The following PIP5K1A variants were observed in gnomAD, a reference collection of about 807,000 sequenced individuals.
PIP5K1A encodes phosphatidylinositol 4-phosphate 5-kinase type-1 alpha.
PIP5K1A carries 46 observed loss-of-function variants against 72.9 expected under a neutral mutation model. The ratio of observed to expected loss-of-function variants is 0.63; its 90% CI spans 0.50 to 0.81. The LOEUF (loss-of-function observed/expected upper bound fraction) is 0.81. Among genes scored for constraint, PIP5K1A ranks in the 30% least tolerant of loss-of-function variants. PIP5K1A has a pLI of 0.00. For missense variants in PIP5K1A, 458 were observed against 706.1 expected (o/e 0.65, Z 3.98); for synonymous variants, 228 against 255.1 (o/e 0.89, Z 1.01).
intron 1 of PIP5K1A, among the ~76,000 whole-genome samples, chr1:151,209,289 C>T (rs1420146429): frequency 1.3e-5 from 2 of 151,468 alleles, no homozygotes; most frequent in Non-Finnish European, 2.9e-5. Flanking sequence ...CTTTCCCCCG[C>T]CCAAGACAGA....
chr1:151,239,437 T>TA (rs1245912281), intron 11 of PIP5K1A, among the ~76,000 whole-genome samples: 1 of 151,928 alleles, frequency 6.6e-6, no homozygotes, highest in African/African-American at 2.4e-5. Context: ...CACGCCCAGC[T>TA]AATTTTTGTA....
intron 1 of PIP5K1A, among the ~76,000 whole-genome samples, chr1:151,210,285 T>C (rs1268761682): frequency 2.7e-5 from 4 of 146,632 alleles, no homozygotes; most frequent in Non-Finnish European, 6.0e-5. Context: ...AGCCTCAAAC[T>C]CCTGGGCTGA....
upstream of PIP5K1A, among the ~76,000 whole-genome samples, chr1:151,197,081 C>T (rs115788377): frequency 6.0e-3 from 883 of 146,558 alleles, 8 homozygotes; most frequent in African/African-American, 0.021. Context: ...AGGCTTGTCT[C>T]GTACTCCTGA....
chr1:151,212,029 G>T (rs998340505), intron 1 of PIP5K1A, among the ~76,000 whole-genome samples: 2 of 150,190 alleles, frequency 1.3e-5, no homozygotes, highest in Non-Finnish European at 3.0e-5. Flanking sequence ...GGAGAATGGC[G>T]TGAATCCGCA....
intron 1 of PIP5K1A, among the ~76,000 whole-genome samples, chr1:151,220,091 T>A (rs1688205826): frequency 6.6e-6 from 1 of 152,136 alleles, no homozygotes; most frequent in South Asian, 2.1e-4. Flanking sequence ...CTGCAATCTC[T>A]GTCTCCCAGG....
chr1:151,209,852 G>A (rs1015856367), intron 1 of PIP5K1A, among the ~76,000 whole-genome samples: 2 of 151,836 alleles, frequency 1.3e-5, no homozygotes, highest in African/African-American at 2.4e-5. Context: ...AGTTACAGGC[G>A]TGAGTCACCA....
In PIP5K1A at chr1:151,248,816, T is replaced by G. The variant is rs188873475; in HGVS notation, c.*951T>G. ...TTTTAGATCATTCTCCAGAGGAGATTTTTTTTGCTCTTCTCATCTTTTCCA... is the reference window on the plus strand; with the variant it reads ...TTTTAGATCATTCTCCAGAGGAGATGTTTTTTGCTCTTCTCATCTTTTCCA... On this transcript the variant is annotated 3_prime_UTR_variant, in exon 16 of 16. Coordinates refer to ENST00000368888, the MANE Select transcript of PIP5K1A (RefSeq NM_001135638.2). 60 of 152,736 alleles carry G rather than the reference T, an allele frequency of 3.9e-4. 1 individual carries two copies. Among genetic ancestry groups the G allele is most frequent in the Non-Finnish European group, 5.7e-4 (39 of 68,038 alleles). 9.5% of individuals were successfully genotyped at this position (152,736 alleles called of 1,614,324 possible). A position where few individuals can be genotyped will look rare whatever the true frequency, so the allele number is the denominator to read the frequency against.
rs1423855817 is a variant in PIP5K1A, at chr1:151,219,843, AT to A, written c.86-4400del. On this transcript the variant is annotated intron_variant, in intron 1 of 15. Transcript: ENST00000368888. ...ACATGGCTAAACCCTGTCCTTACAT[AT>A]TCTTTCCTTTTTTTTTTTTTTTTTT... Among the ~76,000 whole-genome samples the A allele has an allele frequency of 2.8e-4, 33 of 118,516 alleles. No homozygotes were observed. The East Asian group carries it at 8.1e-3, about 29-fold the overall frequency. The allele number at this position is 118,516 out of a possible 152,430, so 77.8% of individuals were successfully genotyped here. A position where few individuals can be genotyped will look rare whatever the true frequency, so the allele number is the denominator to read the frequency against.
At chr1:151,216,618 CTT>C (rs1302862888) in intron 1 of PIP5K1A, among the ~76,000 whole-genome samples, 2 of 152,136 alleles carry the variant, frequency 1.3e-5, no homozygotes, top group East Asian at 3.9e-4. Context: ...AGTCTCAACT[CTT>C]TTCCTTTTCT....
upstream of PIP5K1A, among the ~76,000 whole-genome samples, chr1:151,196,977 C>T (rs2101748030): frequency 6.6e-6 from 1 of 151,516 alleles, no homozygotes; most frequent in Non-Finnish European, 1.5e-5. Context: ...TCTCCTGCCT[C>T]AGCCTCCCGA....
intron 1 of PIP5K1A, among the ~76,000 whole-genome samples, chr1:151,215,561 T>C (rs1570814840): frequency 1.3e-5 from 2 of 151,984 alleles, no homozygotes; most frequent in South Asian, 2.1e-4. Context: ...TTGTGAACTC[T>C]TGACCTCAGG....
intron 1 of PIP5K1A, among the ~76,000 whole-genome samples, chr1:151,211,356 G>C (rs986253894): frequency 9.2e-5 from 14 of 152,118 alleles, no homozygotes; most frequent in Non-Finnish European, 1.9e-4. Context: ...GCATGGCGAT[G>C]TGTGCCTGTA....
At chr1:151,225,758 C>G (rs1689029914) in intron 3 of PIP5K1A, among the ~76,000 whole-genome samples, 1 of 151,986 alleles carries the variant, frequency 6.6e-6, no homozygotes, top group South Asian at 2.1e-4. Context: ...GTGTGAGCCA[C>G]TGCGCCTGGC....
intron 1 of PIP5K1A, among the ~76,000 whole-genome samples, chr1:151,217,074 A>G (rs761387514): frequency 6.6e-5 from 10 of 151,932 alleles, no homozygotes; most frequent in Non-Finnish European, 1.3e-4. Context: ...CACTACACCC[A>G]GCTAATTTTT....
At chr1:151,225,241 T>C (rs1432197582) in intron 3 of PIP5K1A, among the ~76,000 whole-genome samples, 1 of 151,986 alleles carries the variant, frequency 6.6e-6, no homozygotes, top group African/African-American at 2.4e-5. Flanking sequence ...GCCCAGGAGG[T>C]TGAGGCTGCA....
chr1:151,213,856 G>GGACA (rs1687207030), intron 1 of PIP5K1A, among the ~76,000 whole-genome samples: 2 of 152,018 alleles, frequency 1.3e-5, no homozygotes, highest in Non-Finnish European at 2.9e-5. Context: ...GTTAAATTAT[G>GGACA]TAACATACAC....
At chr1:151,237,845 G>A (rs78213866) in intron 9 of PIP5K1A, among the ~76,000 whole-genome samples, 1,797 of 147,640 alleles carry the variant, frequency 0.012, 36 homozygotes, top group African/African-American at 0.042. Flanking sequence ...AAGTACTGAA[G>A]AAGTTGAGTT....
At chr1:151,217,683 G>A (rs587616899) in intron 1 of PIP5K1A, among the ~76,000 whole-genome samples, 1 of 152,236 alleles carries the variant, frequency 6.6e-6, no homozygotes, top group Admixed American at 6.5e-5. Context: ...CCAGGCCCAG[G>A]CCATCTTCCC....
chr1:151,227,479 C>A, intron 4 of PIP5K1A, 79 bp downstream of exon 4: 1 of 861,890 alleles, frequency 1.2e-6, no homozygotes, highest in Non-Finnish European at 2.0e-6. Context: ...CTTGAAATTA[C>A]TCTCCATGTA....
Sources: allele counts gnomAD v4.1 joint callset (sites outside exome capture counted in the v4.1 genomes callset), GRCh38; gene constraint gnomAD v4.1.1; transcripts MANE v1.5; gene names NCBI Gene and HGNC (gene_info 2026-07-23, HGNC 2026-07-21).